Variants in LRCH3 observed in about 807,000 individuals in gnomAD.
LRCH3 encodes the protein leucine rich repeats and calponin homology domain containing 3, also known as DISP complex protein LRCH3.
Under a neutral mutation model 104.5 loss-of-function variants are expected in LRCH3, and 68 were observed. That is an observed-to-expected ratio of 0.65 (90% confidence interval 0.54 to 0.80). LRCH3 has a LOEUF of 0.80. LRCH3 is among the 30% of genes least tolerant of loss of function. LRCH3 has a pLI of 0.00. For missense variants in LRCH3, 951 were observed against 953.9 expected (o/e 1.00, Z 0.04); for synonymous variants, 344 against 361.3 (o/e 0.95, Z 0.54).
chr3:197,843,289 T>C (rs1738092203), intron 10 of LRCH3, among the ~76,000 whole-genome samples: 1 of 152,120 alleles, frequency 6.6e-6, no homozygotes, highest in African/African-American at 2.4e-5. Context: ...TCACATTAAT[T>C]ATGTGATTTT....
chr3:197,870,061 C>T, intron 17 of LRCH3, 99 bp from the exon 18 acceptor site: 1 of 1,218,184 alleles, frequency 8.2e-7, no homozygotes, highest in South Asian at 1.4e-5. Flanking sequence ...GGTAGAAAGC[C>T]ATGCACTGCA....
At chr3:197,882,078 G>C (rs1468409353) in intron 20 of LRCH3, 4 of 985,254 alleles carry the variant, frequency 4.1e-6, no homozygotes, top group Non-Finnish European at 4.8e-6. Context: ...AACACACACA[G>C]GCTCTCATGT....
chr3:197,814,817 T>C, intron 1 of LRCH3, 91 bp from the exon 2 acceptor site: 1 of 1,119,344 alleles, frequency 8.9e-7, no homozygotes, highest in Non-Finnish European at 1.2e-6. Flanking sequence ...AGAATAATAG[T>C]TTTATTTTTT....
rs548245814 is a variant in LRCH3, at chr3:197,818,129, C to T, written c.534+827C>T. ...AGCCACCGCGCACGGCCCTGTTGCC[C>T]TGTATTTTCTAAGACACTTAATTGA... On this transcript the variant is annotated intron_variant, in intron 3 of 20. Transcript: ENST00000425562. 1.3e-4 allele frequency among the ~76,000 whole-genome samples: 20 copies of T among 152,152 alleles called. 1 individual carries two copies. In the South Asian group the frequency reaches 3.9e-3, roughly 30 times the overall value.
chr3:197,883,503 C>CT lies in LRCH3; in HGVS notation c.2209-32dup, dbSNP rs893736948. On this transcript the variant is annotated intron_variant, in intron 20 of 20. Coordinates refer to ENST00000425562, the MANE Select transcript of LRCH3 (RefSeq NM_001365715.1). This position sits in a 1 kb window ranked among gnomAD's most constrained non-coding sequence, Gnocchi z 4.2. ...AGTTCTATGATATTCATCCGATTTT[C>CT]TTTTTTGTTTGTTTTCATGTTACGT... 1.3e-6 allele frequency: 2 copies of CT among 1,517,096 alleles called. No individual in the cohort carries two copies. The highest frequency in any genetic ancestry group is 2.8e-5 in the African/African-American group (2 of 70,850). 94.0% of individuals were successfully genotyped at this position (1,517,096 alleles called of 1,614,324 possible).
chr3:197,834,354 C>T (rs1736396351), intron 8 of LRCH3, among the ~76,000 whole-genome samples: 1 of 152,210 alleles, frequency 6.6e-6, no homozygotes, highest in African/African-American at 2.4e-5. Context: ...AAATGAATCC[C>T]TTCCCATCCA....
chr3:197,803,060 C>T (rs1272569902), intron 1 of LRCH3, among the ~76,000 whole-genome samples: 1 of 152,132 alleles, frequency 6.6e-6, no homozygotes, highest in Non-Finnish European at 1.5e-5. Context: ...GTTGTTTTCT[C>T]AAAATAAATG....
rs780543884 is a variant in LRCH3 at position 197,820,343 on chromosome 3, A to T, written c.553A>T (p.Ile185Phe). Reference sequence around the variant, plus strand: ...GAAATAGGATGTGAGCTGCAATGAAATTCAAACTATACCTTCCCAAATTGG... The same window carrying T: ...GAAATAGGATGTGAGCTGCAATGAATTTCAAACTATACCTTCCCAAATTGG... ...LMELDVSCNE[I>F]QTIPSQIGNL... Residue 185 changes from isoleucine (I) to phenylalanine (F), a missense_variant, in exon 4 of 21, where the codon ATT becomes TTT. Transcript: ENST00000425562. 132 of 1,611,812 alleles carry T rather than the reference A, an allele frequency of 8.2e-5. No individual in the cohort carries two copies. The East Asian group carries it at 2.9e-3, about 36-fold the overall frequency.
intron 17 of LRCH3, among the ~76,000 whole-genome samples, chr3:197,867,818 G>A (rs954407955): frequency 2.0e-5 from 3 of 152,014 alleles, no homozygotes; most frequent in Admixed American, 6.6e-5. Context: ...TCGCACCACC[G>A]CACTCCAGCC....
At chr3:197,875,480 G>A (rs1712777375) in intron 19 of LRCH3, among the ~76,000 whole-genome samples, 3 of 152,116 alleles carry the variant, frequency 2.0e-5, no homozygotes, top group East Asian at 1.9e-4. Flanking sequence ...CCTGGGCAAC[G>A]TGGCGAACCC....
intron 14 of LRCH3, among the ~76,000 whole-genome samples, chr3:197,857,163 G>C (rs375897623): frequency 4.1e-4 from 60 of 147,408 alleles, no homozygotes; most frequent in South Asian, 1.3e-3. Flanking sequence ...CATTGTCTTC[G>C]GGCTACCTCT....
chr3:197,838,097 G>A (rs6793112), intron 9 of LRCH3, among the ~76,000 whole-genome samples: 21,159 of 151,766 alleles, frequency 0.14, 3,007 homozygotes, highest in African/African-American at 0.37. Context: ...CACTGGTACA[G>A]CGTCCTAGGA....
rs1560509583 is a variant in LRCH3 at position 197,791,498 on chromosome 3, CG to C, written c.224del (p.Gly75GlufsTer7). Reference sequence around the variant, plus strand: ...CGGCCGGAAACTGAGGGAGTTTCCCCGGGGAGCGGCCAACCACGACCTGACG... The same window carrying C: ...CGGCCGGAAACTGAGGGAGTTTCCCCGGGAGCGGCCAACCACGACCTGACG... ...LSGRKLREFP[R>X]GAANHDLTDT... On this transcript the variant is annotated frameshift_variant, in exon 1 of 21. Coordinates refer to ENST00000425562, the MANE Select transcript of LRCH3 (RefSeq NM_001365715.1). LOFTEE classifies it high-confidence loss of function. 1 of 1,599,242 alleles carries C rather than the reference CG, an allele frequency of 6.3e-7. No homozygotes were observed. The highest frequency in any genetic ancestry group is 8.5e-7 in the Non-Finnish European group (1 of 1,174,698).
chr3:197,812,046 A>T (rs114391033), intron 1 of LRCH3, among the ~76,000 whole-genome samples: 1 of 152,164 alleles, frequency 6.6e-6, no homozygotes, highest in African/African-American at 2.4e-5. Context: ...ATGCCATTTT[A>T]TCCATTTTTA....
chr3:197,809,680 C>T (rs1299323545), intron 1 of LRCH3, among the ~76,000 whole-genome samples: 1 of 151,988 alleles, frequency 6.6e-6, no homozygotes, highest in Admixed American at 6.6e-5. Flanking sequence ...TCTCTGCCCT[C>T]CGCTCTGCTG....
chr3:197,839,878 T>G (rs1580748560), intron 10 of LRCH3, among the ~76,000 whole-genome samples: 1 of 150,172 alleles, frequency 6.7e-6, no homozygotes. Flanking sequence ...GAGGCTGAGG[T>G]GGGAGGATCG....
intron 9 of LRCH3, 47 bp downstream of exon 9, chr3:197,835,869 A>G (rs1441083962): frequency 6.3e-7 from 1 of 1,584,342 alleles, no homozygotes; most frequent in Non-Finnish European, 8.6e-7. Flanking sequence ...CCTTCATAAA[A>G]ATAATTCATA....
intron 14 of LRCH3, among the ~76,000 whole-genome samples, chr3:197,857,567 G>C (rs73210168): frequency 6.6e-6 from 1 of 151,956 alleles, no homozygotes; most frequent in Admixed American, 6.6e-5. Context: ...CATTCTCTTC[G>C]GGCTACCCCT....
intron 4 of LRCH3, among the ~76,000 whole-genome samples, chr3:197,824,404 T>G (rs1370573325): frequency 6.7e-6 from 1 of 150,168 alleles, no homozygotes; most frequent in African/African-American, 2.5e-5. Flanking sequence ...TTCTTATCTT[T>G]TTATATGCTT....
Sources: gnomAD v4.1 joint callset for allele counts (sites outside exome capture counted in the v4.1 genomes callset) on GRCh38, gnomAD v4.1.1 for gene constraint, Gnocchi (gnomAD v3.1) non-coding constraint, MANE v1.5 for transcripts, NCBI Gene and HGNC (gene_info 2026-07-23, HGNC 2026-07-21) for gene names.